SYNE1: variants seen among roughly 807,000 people sequenced by gnomAD.
SYNE1 encodes nesprin-1.
A neutral mutation model predicts 1,111.0 loss-of-function variants in SYNE1; 616 were observed. The observed-to-expected ratio is 0.55, with a 90% CI of 0.52 to 0.59. SYNE1 has a LOEUF of 0.59. Ranked by LOEUF, SYNE1 falls within the 20% of genes least tolerant of loss-of-function variation. The pLI is 0.00. For missense variants in SYNE1, 10,006 were observed against 10,417.0 expected (o/e 0.96, Z 1.72); for synonymous variants, 3,855 against 3,825.8 (o/e 1.01, Z -0.28).
At position 152,373,094 on chromosome 6, in the gene SYNE1, T is replaced by G. The variant is rs1430552765; in HGVS notation, c.9450A>C (p.Ala3150=). Residue 3150 remains alanine, a synonymous_variant, in exon 59 of 146, where the codon GCA becomes GCC. Coordinates refer to ENST00000367255, the MANE Select transcript of SYNE1 (RefSeq NM_182961.4). The stretch of plus-strand genomic sequence containing the variant: ...AATGAAAATTTTTCCAATCTTCTTT[T>G]GCAGCTGTAACTTTGGCCTGGATCC... The part of the protein sequence containing the change: ...AKGIQAKVTA[A]KEDWKNFHSN... The G allele has an allele frequency of 1.2e-6, 2 of 1,614,072 alleles. No homozygotes were observed. The highest frequency in any genetic ancestry group is 1.3e-5 in the African/African-American group (1 of 74,936).
intron 3 of SYNE1, among the ~76,000 whole-genome samples, chr6:152,589,805 G>T (rs956711824): frequency 5.3e-5 from 8 of 152,092 alleles, no homozygotes; most frequent in African/African-American, 1.9e-4. Flanking sequence ...ACCTTAGCTG[G>T]ATCCATTTTT....
At chr6:152,302,808 T>G (rs1397145559) in intron 91 of SYNE1, among the ~76,000 whole-genome samples, 4 of 152,188 alleles carry the variant, frequency 2.6e-5, no homozygotes, top group Non-Finnish European at 5.9e-5. Context: ...AAATAATTGT[T>G]TTTTTGTTTT....
chr6:152,167,249 T>C (rs2063842181), intron 130 of SYNE1, among the ~76,000 whole-genome samples: 1 of 152,184 alleles, frequency 6.6e-6, no homozygotes, highest in African/African-American at 2.4e-5. Context: ...CACATAAATA[T>C]GTATATACGT....
chr6:152,146,024 CAAAAA>C (rs57218606), intron 137 of SYNE1: 2 of 49,704 alleles, frequency 4.0e-5, no homozygotes, highest in Non-Finnish European at 7.1e-5. Flanking sequence ...GACTTCGTCT[CAAAAA>C]AAAAAAAAAA....
intron 91 of SYNE1, among the ~76,000 whole-genome samples, chr6:152,302,434 G>A (rs2095227476): frequency 6.6e-6 from 1 of 152,248 alleles, no homozygotes; most frequent in African/African-American, 2.4e-5. Flanking sequence ...TTTACCAGAT[G>A]GTTCCTGCCA....
At position 152,363,865 on chromosome 6, in the gene SYNE1, C is replaced by A. The variant is rs150692230; in HGVS notation, c.10145+982G>T. On this transcript the variant is annotated intron_variant, in intron 63 of 145. Coordinates refer to ENST00000367255, the MANE Select transcript of SYNE1 (RefSeq NM_182961.4). The stretch of plus-strand genomic sequence containing the variant: ...CTGCCCTTGGATGGGATAACTGGGG[C>A]TCACACTGTATACCAGCTCCCAGCA... The A allele has an allele frequency of 6.9e-4, 296 of 429,848 alleles. 2 individuals are homozygous for A. The East Asian group carries it at 0.02, about 28-fold the overall frequency. The allele number at this position is 429,848 out of a possible 1,614,324, so 26.6% of individuals were successfully genotyped here.
intron 77 of SYNE1, 98 bp from the exon 78 acceptor site, chr6:152,331,988 G>A: frequency 1.3e-6 from 2 of 1,557,380 alleles, no homozygotes; most frequent in Non-Finnish European, 1.7e-6. Context: ...TTTCTTTTTG[G>A]AGACTGAGTT....
chr6:152,495,645 C>T (rs1042837856), intron 11 of SYNE1, among the ~76,000 whole-genome samples: 1 of 152,194 alleles, frequency 6.6e-6, no homozygotes, highest in Non-Finnish European at 1.5e-5. Context: ...ACCTGTTCCA[C>T]CCTGACTCAT....
At position 152,484,870 on chromosome 6, in the gene SYNE1, A is replaced by T. The variant is rs143920309; in HGVS notation, c.1150T>A (p.Leu384Met). Residue 384 changes from leucine (L) to methionine (M), a missense_variant, in exon 13 of 146, where the codon TTG (leucine) becomes ATG (methionine). Physicochemically the swap from Leu to Met is conservative, Grantham distance 15. Coordinates refer to ENST00000367255, the MANE Select transcript of SYNE1 (RefSeq NM_182961.4). Reference sequence around the variant, plus strand: ...ACTCTATCCCAAGATTGTTTTACCAATGCTTGGTCAAGTGACAATTTACCG... The same window carrying T: ...ACTCTATCCCAAGATTGTTTTACCATTGCTTGGTCAAGTGACAATTTACCG... ...RDGKLSLDQA[L>M]VKQSWDRVTS... 6.2e-7 allele frequency: 1 copy of T among 1,613,870 alleles called. No homozygotes were observed. Among genetic ancestry groups the T allele is most frequent in the African/African-American group, 1.3e-5 (1 of 74,940 alleles).
intron 4 of SYNE1, among the ~76,000 whole-genome samples, chr6:152,531,115 G>A (rs2099198055): frequency 6.6e-6 from 1 of 152,110 alleles, no homozygotes; most frequent in Non-Finnish European, 1.5e-5. Flanking sequence ...ACCACAAAGT[G>A]CAAGTGTACT....
intron 95 of SYNE1, among the ~76,000 whole-genome samples, chr6:152,290,173 C>T (rs575173305): frequency 2.6e-5 from 4 of 152,154 alleles, no homozygotes; most frequent in Non-Finnish European, 5.9e-5. Flanking sequence ...ATCAGATGCC[C>T]ATGATAATAA....
chr6:152,612,421 C>T (rs909574018), intron 3 of SYNE1, among the ~76,000 whole-genome samples: 3 of 152,158 alleles, frequency 2.0e-5, no homozygotes, highest in Admixed American at 1.3e-4. Context: ...TTCCTGGACA[C>T]ATACATCCTC....
chr6:152,443,551 AC>A (rs1341868935), intron 30 of SYNE1, among the ~76,000 whole-genome samples: 1 of 152,210 alleles, frequency 6.6e-6, no homozygotes, highest in Non-Finnish European at 1.5e-5. Flanking sequence ...GGCGTGAGCC[AC>A]CGTGCCCGGC....
At chr6:152,186,299 G>A (rs1369945548) in intron 128 of SYNE1, among the ~76,000 whole-genome samples, 1 of 152,126 alleles carries the variant, frequency 6.6e-6, no homozygotes, top group East Asian at 1.9e-4. Context: ...GCTTACGCCT[G>A]TCATCTCAGC....
At chr6:152,422,277 T>C (rs1263599931) in intron 39 of SYNE1, among the ~76,000 whole-genome samples, 1 of 152,216 alleles carries the variant, frequency 6.6e-6, no homozygotes, top group Non-Finnish European at 1.5e-5. Context: ...TCCTTAGAAA[T>C]GTCTCTTATT....
At position 152,232,144 on chromosome 6, in the gene SYNE1, G is replaced by A; in HGVS notation, c.20834C>T (p.Ala6945Val). 6.3e-7 allele frequency: 1 copy of A among 1,595,286 alleles called. No homozygotes were observed. The highest frequency in any genetic ancestry group is 8.6e-7 in the Non-Finnish European group (1 of 1,163,216). ...DNIKNSIGYKAIHEYLQKYKG... is the reference protein window; with the variant it reads ...DNIKNSIGYKVIHEYLQKYKG... ...ATATTTCTGAAGGTATTCATGAATT[G>A]CCTTGTAACCTATGGAATTTTTAAT... The change falls in exon 113 of 146, where the codon GCA becomes GTA. Residue 6945 changes from alanine (A) to valine (V), a missense_variant. Coordinates refer to ENST00000367255, the MANE Select transcript of SYNE1 (RefSeq NM_182961.4).
At chr6:152,277,866 C>T (rs975269671) in intron 98 of SYNE1, 9 of 602,544 alleles carry the variant, frequency 1.5e-5, no homozygotes, top group South Asian at 3.6e-5. Flanking sequence ...TCCACCACTC[C>T]GCTGAACAGC....
At chr6:152,472,909 C>T (rs978002208) in intron 14 of SYNE1, among the ~76,000 whole-genome samples, 1 of 152,060 alleles carries the variant, frequency 6.6e-6, no homozygotes, top group East Asian at 1.9e-4. Flanking sequence ...AATCATATTA[C>T]AATATATTTT....
intron 123 of SYNE1, among the ~76,000 whole-genome samples, 169 bp from the exon 124 acceptor site, chr6:152,211,757 A>G (rs2077563639): frequency 6.6e-6 from 1 of 152,200 alleles, no homozygotes; most frequent in East Asian, 1.9e-4. Context: ...TTTTTAAATC[A>G]TCAATTAAGA....
Sources: gnomAD v4.1 joint callset for allele counts (sites outside exome capture counted in the v4.1 genomes callset) on GRCh38, gnomAD v4.1.1 for gene constraint, MANE v1.5 for transcripts, NCBI Gene and HGNC (gene_info 2026-07-23, HGNC 2026-07-21) for gene names.